GREB1L: variants seen among roughly 807,000 people sequenced by gnomAD.
GREB1L encodes GREB1 like retinoic acid receptor coactivator.
A neutral mutation model predicts 200.8 loss-of-function variants in GREB1L; 17 were observed. The observed-to-expected ratio is 0.08, with a 90% CI of 0.06 to 0.13. GREB1L has a LOEUF of 0.13. Ranked by LOEUF, GREB1L falls within the 10% of genes least tolerant of loss-of-function variation. GREB1L has a pLI of 1.00. For synonymous variants in GREB1L, 789 were observed against 893.0 expected (o/e 0.88, Z 2.08); for missense variants, 1,657 against 2,367.7 (o/e 0.70, Z 6.23).
intron 7 of GREB1L, among the ~76,000 whole-genome samples, chr18:21,405,758 G>A (rs1004452384): frequency 6.6e-6 from 1 of 152,108 alleles, no homozygotes; most frequent in Non-Finnish European, 1.5e-5. Context: ...CCGAGATTGT[G>A]CCACTGCACT....
At chr18:21,342,327 C>A (rs2039281124) in intron 1 of GREB1L, among the ~76,000 whole-genome samples, 1 of 152,062 alleles carries the variant, frequency 6.6e-6, no homozygotes, top group Non-Finnish European at 1.5e-5. Flanking sequence ...CAAGAACCAT[C>A]CTTAGGTCCT....
intron 4 of GREB1L, among the ~76,000 whole-genome samples, chr18:21,392,678 G>C (rs146849347): frequency 4.1e-4 from 63 of 151,880 alleles, no homozygotes; most frequent in African/African-American, 1.5e-3. Flanking sequence ...ATTCTATTAG[G>C]CTTGTTTTTG....
At chr18:21,266,495 A>C (rs1226845251) in intron 1 of GREB1L, among the ~76,000 whole-genome samples, 1 of 152,128 alleles carries the variant, frequency 6.6e-6, no homozygotes, top group Non-Finnish European at 1.5e-5. Flanking sequence ...GGCTGCAGGG[A>C]GGTAGAGAAG....
At chr18:21,344,217 T>C (rs781163806) in intron 1 of GREB1L, among the ~76,000 whole-genome samples, 5 of 152,128 alleles carry the variant, frequency 3.3e-5, no homozygotes, top group African/African-American at 7.2e-5. Context: ...CTGGCTAACA[T>C]GGTGAAACCC....
intron 11 of GREB1L, among the ~76,000 whole-genome samples, chr18:21,447,984 G>A (rs2034315637): frequency 6.6e-6 from 1 of 151,970 alleles, no homozygotes; most frequent in African/African-American, 2.4e-5. Context: ...CCAACATGGT[G>A]AAACCCCATC....
intron 1 of GREB1L, among the ~76,000 whole-genome samples, chr18:21,318,712 G>A (rs1397802193): frequency 1.3e-5 from 2 of 152,188 alleles, no homozygotes; most frequent in Admixed American, 1.3e-4. Flanking sequence ...TCTGTGAGAT[G>A]TGTCAGACTC....
At chr18:21,273,809 C>T (rs1302649376) in intron 1 of GREB1L, among the ~76,000 whole-genome samples, 1 of 152,070 alleles carries the variant, frequency 6.6e-6, no homozygotes, top group Non-Finnish European at 1.5e-5. Context: ...CTAGGGCCAT[C>T]GGCTGGAGGG....
At chr18:21,458,722 A>G (rs549453554) in intron 15 of GREB1L, among the ~76,000 whole-genome samples, 1 of 152,364 alleles carries the variant, frequency 6.6e-6, no homozygotes, top group South Asian at 2.1e-4. Context: ...GGTTAAAAAA[A>G]AAGAAATGGA....
intron 2 of GREB1L, among the ~76,000 whole-genome samples, chr18:21,374,850 CTTTTTT>C (rs535722957): frequency 6.1e-5 from 8 of 130,256 alleles, no homozygotes; most frequent in Non-Finnish European, 9.7e-5. Context: ...TTTCCTTTTC[CTTTTTT>C]TTTTTTTTTT....
chr18:21,305,193 C>T (rs2038680901), intron 1 of GREB1L, among the ~76,000 whole-genome samples: 1 of 152,096 alleles, frequency 6.6e-6, no homozygotes. Context: ...CCAGGATGGT[C>T]TCGATCTCTT....
At chr18:21,514,348 C>T (rs2037343450) in intron 28 of GREB1L, among the ~76,000 whole-genome samples, 1 of 152,146 alleles carries the variant, frequency 6.6e-6, no homozygotes, top group African/African-American at 2.4e-5. Context: ...GAAATCCTGT[C>T]TGCTAAAAAT....
intron 1 of GREB1L, among the ~76,000 whole-genome samples, chr18:21,362,936 G>C (rs2039600055): frequency 6.6e-6 from 1 of 152,206 alleles, no homozygotes; most frequent in Admixed American, 6.6e-5. Flanking sequence ...TTAGAAAAGA[G>C]CTGTGCAGCC....
In GREB1L at chr18:21,500,055, A is replaced by T; in HGVS notation, c.3718A>T (p.Ser1240Cys). The T allele has an allele frequency of 6.4e-7, 1 of 1,551,614 alleles. No individual in the cohort carries two copies. Among genetic ancestry groups the T allele is most frequent in the African/African-American group, 1.4e-5 (1 of 73,176 alleles). ...PVVILSKAAY[S>C]LLGSQKSGKL... ...GGTGATCCTATCCAAAGCGGCCTAC[A>T]GTCTCCTGGGCTCCCAGAAGAGTGG... Residue 1240 changes from serine to cysteine, a missense_variant, in exon 22 of 33, where the codon AGT becomes TGT. Physicochemically the swap from Ser to Cys is moderately radical, Grantham distance 112. Around this residue, in one of 9 missense-constraint regions of GREB1L, gnomAD observed 512 missense variants for 668.3 expected, o/e 0.77. Coordinates refer to ENST00000424526, the MANE Select transcript of GREB1L (RefSeq NM_001142966.3).
chr18:21,503,342 G>A (rs1349101678), intron 23 of GREB1L, among the ~76,000 whole-genome samples: 2 of 151,486 alleles, frequency 1.3e-5, no homozygotes, highest in African/African-American at 4.8e-5. Flanking sequence ...GTGTAGCTGG[G>A]ATTACAGGCT....
intron 17 of GREB1L, among the ~76,000 whole-genome samples, chr18:21,483,045 A>C (rs182182906): frequency 1.3e-5 from 2 of 152,362 alleles, no homozygotes; most frequent in East Asian, 3.9e-4. Context: ...TGGAGAAACC[A>C]TTCACTTCTA....
At chr18:21,389,996 T>G (rs1004978700) in intron 4 of GREB1L, among the ~76,000 whole-genome samples, 2 of 152,236 alleles carry the variant, frequency 1.3e-5, no homozygotes, top group African/African-American at 4.8e-5. Context: ...TACAGTCATG[T>G]GCCAAATAAC....
At position 21,454,450 on chromosome 18, in the gene GREB1L, A is replaced by G. The variant is rs750794190; in HGVS notation, c.2069A>G (p.Asp690Gly). ...TTATCCCAGGTGTGTGCTATAGCGG[A>G]CAGTGGCAGCCAGAGCCTGGACCTC... ...KLLSQVCAIA[D>G]SGSQSLDLGH... Residue 690 changes from aspartate (D) to glycine (G), a missense_variant, in exon 15 of 33, where the codon GAC becomes GGC. Physicochemically the swap from Asp to Gly is moderately conservative, Grantham distance 94. This residue lies in a region of GREB1L where 239 missense variants were observed against 421.8 expected (regional missense o/e 0.57). Coordinates refer to ENST00000424526, the MANE Select transcript of GREB1L (RefSeq NM_001142966.3). 18 of 1,551,500 alleles carry G rather than the reference A, an allele frequency of 1.2e-5. No individual in the cohort carries two copies. The highest frequency in any genetic ancestry group is 2.7e-5 in the African/African-American group (2 of 73,056).
chr18:21,324,814 A>C (rs553096277), intron 1 of GREB1L, among the ~76,000 whole-genome samples: 18 of 152,296 alleles, frequency 1.2e-4, no homozygotes, highest in South Asian at 4.1e-4. Context: ...TGTCTCAAAA[A>C]ACAAACAAAC....
At chr18:21,510,972 A>G (rs1598951935) in intron 27 of GREB1L, among the ~76,000 whole-genome samples, 1 of 152,076 alleles carries the variant, frequency 6.6e-6, no homozygotes, top group East Asian at 1.9e-4. Context: ...CTTGTCTCCA[A>G]AGTCCTTTGT....
Sources: allele counts gnomAD v4.1 joint callset (sites outside exome capture counted in the v4.1 genomes callset), GRCh38; gene constraint gnomAD v4.1.1; regional missense constraint gnomAD v4.1.1; transcripts MANE v1.5; gene names NCBI Gene and HGNC (gene_info 2026-07-23, HGNC 2026-07-21).